SORCS2: variants seen among roughly 807,000 people sequenced by gnomAD.
SORCS2 encodes sortilin related VPS10 domain containing receptor 2, also known as VPS10 domain-containing receptor SorCS2.
A neutral mutation model predicts 141.6 loss-of-function variants in SORCS2; 100 were observed. The ratio of observed to expected loss-of-function variants is 0.71; its 90% CI spans 0.60 to 0.83. The LOEUF is 0.83. Among genes scored for constraint, SORCS2 ranks in the 40% least tolerant of loss-of-function variants. The pLI is 0.00. For synonymous variants in SORCS2, 789 were observed against 676.9 expected, an observed-to-expected ratio of 1.17 and a Z score of -2.57; for missense variants, 1,646 against 1,560.2, an observed-to-expected ratio of 1.05 and a Z score of -0.93.
chr4:7,497,754 G>A (rs77405012), intron 2 of SORCS2, among the ~76,000 whole-genome samples: 71 of 152,378 alleles, frequency 4.7e-4, no homozygotes, highest in African/African-American at 1.7e-3. Flanking sequence ...CCACAAGGGT[G>A]AGTGAGTTGC....
At chr4:7,571,314 G>A (rs1012306679) in intron 3 of SORCS2, among the ~76,000 whole-genome samples, 4 of 152,196 alleles carry the variant, frequency 2.6e-5, no homozygotes, top group African/African-American at 9.7e-5. Context: ...GGACCCCTGT[G>A]CCCGGTGGAG....
intron 2 of SORCS2, among the ~76,000 whole-genome samples, chr4:7,487,674 C>T (rs1279642573): frequency 2.0e-5 from 3 of 152,202 alleles, no homozygotes; most frequent in Admixed American, 1.3e-4. Flanking sequence ...CGGTGATAGA[C>T]GGGGCCTCTT....
chr4:7,429,738 TG>T (rs1450945857), intron 2 of SORCS2, among the ~76,000 whole-genome samples: 20 of 152,192 alleles, frequency 1.3e-4, no homozygotes, highest in Admixed American at 6.5e-5. Context: ...GGTCAGGACT[TG>T]CACGTGGACA....
intron 2 of SORCS2, chr4:7,433,223 G>T: frequency 1.6e-6 from 2 of 1,286,144 alleles, no homozygotes; most frequent in Non-Finnish European, 2.0e-6. Flanking sequence ...TCCCTCCTCA[G>T]AGCTTCAGTT....
At chr4:7,400,446 C>A (rs1188350912) in intron 2 of SORCS2, among the ~76,000 whole-genome samples, 2 of 149,208 alleles carry the variant, frequency 1.3e-5, no homozygotes, top group African/African-American at 2.5e-5. Flanking sequence ...GTGGGAGTTC[C>A]TGTTTATGGT....
intron 3 of SORCS2, among the ~76,000 whole-genome samples, chr4:7,596,554 C>T (rs1232000100): frequency 6.6e-5 from 10 of 152,314 alleles, no homozygotes; most frequent in Admixed American, 4.6e-4. Flanking sequence ...AAATTTATCT[C>T]CTTTCGTGCT....
At chr4:7,693,961 G>A (rs993471815) in intron 11 of SORCS2, among the ~76,000 whole-genome samples, 11 of 152,206 alleles carry the variant, frequency 7.2e-5, no homozygotes, top group Admixed American at 2.6e-4. Context: ...TGGGAGCACC[G>A]GCGGAACCTG....
intron 2 of SORCS2, among the ~76,000 whole-genome samples, chr4:7,437,641 G>A (rs1340629513): frequency 2.6e-5 from 4 of 152,150 alleles, no homozygotes; most frequent in South Asian, 2.1e-4. Context: ...TATGAATAAC[G>A]AAATACACTT....
intron 24 of SORCS2, 26 bp downstream of exon 24, chr4:7,733,447 G>T: frequency 2.6e-6 from 4 of 1,541,064 alleles, no homozygotes; most frequent in Non-Finnish European, 3.5e-6. Context: ...CTCCCCTGCG[G>T]AATGGGTGGA....
chr4:7,740,878 T>C lies in SORCS2; in HGVS notation c.*614T>C, dbSNP rs1452258149. On this transcript the variant is annotated 3_prime_UTR_variant, in exon 27 of 27. Coordinates refer to ENST00000507866, the MANE Select transcript of SORCS2 (RefSeq NM_020777.3). ...GGGGGTGTCTCACTCTCTGTCTTTATAGCCGGCGGTAGCCACCGGGGTGGC... is the reference window on the plus strand; with the variant it reads ...GGGGGTGTCTCACTCTCTGTCTTTACAGCCGGCGGTAGCCACCGGGGTGGC... 1.5e-5 allele frequency: 6 copies of C among 396,250 alleles called. No homozygotes were observed. The highest frequency in any genetic ancestry group is 2.1e-5 in the African/African-American group (1 of 48,552). 24.5% of individuals were successfully genotyped at this position (396,250 alleles called of 1,614,324 possible).
chr4:7,605,066 C>G (rs1577828977), intron 3 of SORCS2, among the ~76,000 whole-genome samples: 1 of 152,204 alleles, frequency 6.6e-6, no homozygotes, highest in South Asian at 2.1e-4. Flanking sequence ...ATCCAGAAAT[C>G]TGGAGGAGGT....
chr4:7,732,073 T>G (rs938149583), intron 23 of SORCS2, among the ~76,000 whole-genome samples: 16 of 152,084 alleles, frequency 1.1e-4, no homozygotes, highest in Admixed American at 4.6e-4. Flanking sequence ...ACATCCAGAA[T>G]ACGTAAGAAA....
chr4:7,709,643 G>A (rs534201346), intron 14 of SORCS2, among the ~76,000 whole-genome samples: 210 of 152,292 alleles, frequency 1.4e-3, no homozygotes, highest in Non-Finnish European at 1.2e-3. Context: ...GGGTCTGTAC[G>A]GGAGCTGCCC....
intron 14 of SORCS2, among the ~76,000 whole-genome samples, chr4:7,706,350 C>CTGGGCAGGGATGAGGCTGAGCTCT (rs1190123891): frequency 4.1e-5 from 1 of 24,656 alleles, no homozygotes; most frequent in Non-Finnish European, 8.2e-5. Flanking sequence ...GGCTGGGCTC[C>CTGGGCAGGGATGAGGCTGAGCTCT]GTCTGGGCAG....
chr4:7,406,368 C>CTTTTTT (rs34345581), intron 2 of SORCS2, among the ~76,000 whole-genome samples: 1 of 143,618 alleles, frequency 7.0e-6, no homozygotes, highest in African/African-American at 2.6e-5. Context: ...GGATCCTAGG[C>CTTTTTT]TTTTTTTTTT....
intron 1 of SORCS2, among the ~76,000 whole-genome samples, chr4:7,390,224 A>G (rs1487156884): frequency 4.6e-5 from 7 of 152,118 alleles, no homozygotes; most frequent in African/African-American, 1.7e-4. Context: ...TTTTAGTAGT[A>G]GTATTTGGTG....
At position 7,418,333 on chromosome 4, in the gene SORCS2, G is replaced by A. The variant is rs560370329; in HGVS notation, c.548+21978G>A. 1.9e-4 allele frequency among the ~76,000 whole-genome samples: 29 copies of A among 152,328 alleles called. No individual in the cohort carries two copies. In the East Asian group the frequency reaches 3.7e-3, roughly 19 times the overall value. ...GAAGTGCTGCGGAAGTGCACGGGAC[G>A]GGGCAGCAATGCAGGCCCAGGGGTC... On this transcript the variant is annotated intron_variant, in intron 2 of 26. Transcript: ENST00000507866.
At chr4:7,472,929 A>C (rs1160542082) in intron 2 of SORCS2, among the ~76,000 whole-genome samples, 2 of 151,450 alleles carry the variant, frequency 1.3e-5, no homozygotes, top group Non-Finnish European at 1.5e-5. Context: ...AAAAAAAAAA[A>C]CAAAATAGCC....
chr4:7,274,582 G>T (rs1355051603), intron 1 of SORCS2, among the ~76,000 whole-genome samples: 1 of 152,152 alleles, frequency 6.6e-6, no homozygotes, highest in Non-Finnish European at 1.5e-5. Context: ...CAGATCGTAT[G>T]AGAGCTCACT....
Sources: allele counts gnomAD v4.1 joint callset (sites outside exome capture counted in the v4.1 genomes callset), GRCh38; gene constraint gnomAD v4.1.1; transcripts MANE v1.5; gene names NCBI Gene and HGNC (gene_info 2026-07-23, HGNC 2026-07-21).